The following GUSB variants were observed in gnomAD, a reference collection of about 807,000 sequenced individuals.
GUSB encodes the protein beta-glucuronidase.
GUSB carries 51 observed loss-of-function variants against 74.6 expected under a neutral mutation model. The ratio of observed to expected loss-of-function variants is 0.68; its 90% CI spans 0.55 to 0.86. The LOEUF is 0.86. Ranked by LOEUF, GUSB falls within the 40% of genes least tolerant of loss-of-function variation. The pLI, the probability that GUSB is intolerant of heterozygous loss-of-function variation, is 0.00. For missense variants in GUSB, 736 were observed against 853.7 expected (o/e 0.86, Z 1.72); for synonymous variants, 360 against 348.3 (o/e 1.03, Z -0.37).
intron 10 of GUSB, among the ~76,000 whole-genome samples, chr7:65,966,627 T>A (rs1790856434): frequency 1.3e-5 from 2 of 151,740 alleles, no homozygotes; most frequent in South Asian, 4.2e-4. Flanking sequence ...TACAAAAAAA[T>A]TTAAAAATAG....
At chr7:65,968,191 G>C (rs1038781620) in intron 9 of GUSB, among the ~76,000 whole-genome samples, 1 of 141,000 alleles carries the variant, frequency 7.1e-6, no homozygotes, top group Non-Finnish European at 1.5e-5. Flanking sequence ...CCAGGAGTTC[G>C]AGACCAGCCT....
Position 65,975,843 on chromosome 7 carries a change from C to T in GUSB, c.912+172G>A, listed in dbSNP as rs527466179. On this transcript the variant is annotated intron_variant, in intron 5 of 11. Transcript: ENST00000304895. ...TCCAGCCTGGGTGACAGAGTGAGACCATCTCAAAAAAAAAAAAAAAAAAGA... is the reference window on the plus strand; with the variant it reads ...TCCAGCCTGGGTGACAGAGTGAGACTATCTCAAAAAAAAAAAAAAAAAAGA... 3.4e-4 allele frequency: 191 copies of T among 556,188 alleles called. 2 individuals are homozygous for T. In the East Asian group the frequency reaches 5.0e-3, roughly 15 times the overall value. The allele number at this position is 556,188 out of a possible 1,614,324, so 34.5% of individuals were successfully genotyped here.
chr7:65,970,705 C>T (rs559738424), intron 8 of GUSB, among the ~76,000 whole-genome samples: 9 of 152,010 alleles, frequency 5.9e-5, no homozygotes, highest in South Asian at 2.1e-4. Context: ...CATCCTAACA[C>T]GGTGAAACCC....
chr7:65,968,169 G>T lies in GUSB; in HGVS notation c.1477-262C>A, dbSNP rs1790959353. Among the ~76,000 whole-genome samples, 3 of 148,502 alleles carry T rather than the reference G, an allele frequency of 2.0e-5. No homozygotes were observed. In the South Asian group the frequency reaches 6.4e-4, roughly 32 times the overall value. ...GCACATTGGGAGGCCAAGATGGGAG[G>T]ATCACTTGATCCCAGGAGTTCGAGA... On this transcript the variant is annotated intron_variant, in intron 9 of 11. Coordinates refer to ENST00000304895, the MANE Select transcript of GUSB (RefSeq NM_000181.4).
At chr7:65,973,666 A>T (rs185994800) in intron 8 of GUSB, among the ~76,000 whole-genome samples, 69 of 152,352 alleles carry the variant, frequency 4.5e-4, no homozygotes, top group African/African-American at 1.5e-3. Context: ...CTGAGGCTGG[A>T]GAATCACTTG....
intron 4 of GUSB, among the ~76,000 whole-genome samples, chr7:65,976,820 C>G (rs1049520128): frequency 2.0e-5 from 3 of 151,808 alleles, no homozygotes; most frequent in African/African-American, 7.3e-5. Flanking sequence ...GCAGCCCCGG[C>G]AGCCCCAGCT....
At chr7:65,970,114 G>C (rs1791095120) in intron 9 of GUSB, among the ~76,000 whole-genome samples, 168 bp downstream of exon 9, 1 of 152,204 alleles carries the variant, frequency 6.6e-6, no homozygotes, top group South Asian at 2.1e-4. Context: ...TTGGAGACCA[G>C]CCTGGGCAAC....
At chr7:65,961,339 G>A (rs962449223) in intron 11 of GUSB, among the ~76,000 whole-genome samples, 1 of 151,922 alleles carries the variant, frequency 6.6e-6, no homozygotes, top group African/African-American at 2.4e-5. Context: ...TCATTATGTT[G>A]TCCAGGCTGG....
At chr7:65,972,869 A>G (rs1791306153) in intron 8 of GUSB, among the ~76,000 whole-genome samples, 1 of 152,214 alleles carries the variant, frequency 6.6e-6, no homozygotes, top group Non-Finnish European at 1.5e-5. Flanking sequence ...CCCAGGCTGC[A>G]ACAACTTCTC....
intron 4 of GUSB, among the ~76,000 whole-genome samples, chr7:65,978,057 A>G (rs1791708747): frequency 6.6e-6 from 1 of 151,838 alleles, no homozygotes; most frequent in Admixed American, 6.6e-5. Context: ...TGATCCCCCC[A>G]CCTTGGCCTC....
At chr7:65,966,196 G>C (rs538220688) in intron 10 of GUSB, among the ~76,000 whole-genome samples, 1 of 152,148 alleles carries the variant, frequency 6.6e-6, no homozygotes, top group African/African-American at 2.4e-5. Context: ...ATTCAGAGCT[G>C]GTTACCTTTT....
rs568220630 is a variant in GUSB, at chr7:65,968,744, G to A, written c.1477-837C>T. Among the ~76,000 whole-genome samples the A allele has an allele frequency of 1.0e-3, 157 of 152,178 alleles. 3 individuals carry two copies. Among genetic ancestry groups the A allele is most frequent in the Admixed American group, 8.3e-3 (126 of 15,268 alleles). On this transcript the variant is annotated intron_variant, in intron 9 of 11. Coordinates refer to ENST00000304895, the MANE Select transcript of GUSB (RefSeq NM_000181.4). ...TAGGATTACAGGCGTGCGCCACCAC[G>A]CCCAGCTAATTTTTTGTATTTTTGG...
intron 1 of GUSB, among the ~76,000 whole-genome samples, chr7:65,981,435 T>G (rs2116054853): frequency 6.6e-6 from 1 of 152,114 alleles, no homozygotes; most frequent in South Asian, 2.1e-4. Context: ...TTTCACCCTG[T>G]TATGTTGGCC....
intron 10 of GUSB, among the ~76,000 whole-genome samples, chr7:65,966,467 G>A (rs960803554): frequency 2.0e-5 from 3 of 151,966 alleles, no homozygotes; most frequent in African/African-American, 7.3e-5. Context: ...CATATCTTTG[G>A]TGAGGAGGAC....
intron 8 of GUSB, among the ~76,000 whole-genome samples, chr7:65,971,744 A>G (rs1243644257): frequency 6.6e-6 from 1 of 151,670 alleles, no homozygotes; most frequent in Non-Finnish European, 1.5e-5. Flanking sequence ...GAAAAAAAAA[A>G]AAAAATTTAA....
chr7:65,973,893 T>C (rs919076128), intron 8 of GUSB, among the ~76,000 whole-genome samples: 9 of 151,482 alleles, frequency 5.9e-5, no homozygotes, highest in Non-Finnish European at 1.3e-4. Context: ...ACTGCACCGC[T>C]GCACTCCAAC....
intron 10 of GUSB, among the ~76,000 whole-genome samples, chr7:65,966,496 A>T (rs1790845910): frequency 6.6e-6 from 1 of 152,002 alleles, no homozygotes; most frequent in African/African-American, 2.4e-5. Context: ...GAGATAGATT[A>T]AAAAAATGAC....
chr7:65,975,047 G>T lies in GUSB; in HGVS notation c.937C>A (p.Leu313Met). 6.2e-7 allele frequency: 1 copy of T among 1,613,492 alleles called. No individual in the cohort carries two copies. Among genetic ancestry groups the T allele is most frequent in the South Asian group, 1.1e-5 (1 of 91,058 alleles). ...LEVQLTAQTS[L>M]GPVSDFYTLP... is the part of the protein sequence containing the mutation. ...GTGTAGAAGTCAGACACAGGCCCCA[G>T]TGACGTCTGTGCAGTCAGCTGCACC... The change falls in exon 6 of 12, where the codon CTG (leucine) becomes ATG (methionine). Residue 313 changes from leucine to methionine, a missense_variant. Around this residue, in one of 2 missense-constraint regions of GUSB, gnomAD observed 368 missense variants for 489.9 expected, o/e 0.75. Transcript: ENST00000304895.
rs776085845 is a variant in GUSB at position 65,981,988 on chromosome 7, G to A, written c.196C>T (p.Arg66Trp). The change falls in exon 1 of 12, where the codon CGG (arginine) becomes TGG (tryptophan). Residue 66 changes from arginine to tryptophan, a missense_variant. By Grantham distance (101) the Arg-to-Trp change is moderately radical. Transcript: ENST00000304895. ...RRGFEEQWYR[R>W]PLWESGPTVD... The stretch of plus-strand genomic sequence containing the variant: ...CGAGATCGCACCTCCCACAGCGGCC[G>A]CCGGTACCACTGCTCCTCGAAGCCC... 16 of 1,607,602 alleles carry A rather than the reference G, an allele frequency of 1.0e-5. No individual in the cohort carries two copies. In the Admixed American group the frequency reaches 2.3e-4, roughly 23 times the overall value.
Sources: allele counts gnomAD v4.1 joint callset (sites outside exome capture counted in the v4.1 genomes callset), GRCh38; gene constraint gnomAD v4.1.1; regional missense constraint gnomAD v4.1.1; transcripts MANE v1.5; gene names NCBI Gene and HGNC (gene_info 2026-07-23, HGNC 2026-07-21).